The following RALGDS variants were observed in gnomAD, a reference collection of about 807,000 sequenced individuals.
The protein encoded by RALGDS is ral guanine nucleotide exchange factor.
In RALGDS, 44 loss-of-function variants were observed where a neutral mutation model predicts 99.8. The ratio of observed to expected loss-of-function variants is 0.44; its 90% CI spans 0.35 to 0.57. RALGDS has a LOEUF of 0.57. Among genes scored for constraint, RALGDS ranks in the 20% least tolerant of loss-of-function variants. RALGDS has a pLI of 0.01. For missense variants in RALGDS, 1,022 were observed against 1,203.1 expected, an observed-to-expected ratio of 0.85 and a Z score of 2.23; for synonymous variants, 529 against 505.0, an observed-to-expected ratio of 1.05 and a Z score of -0.64.
At chr9:133,147,315 C>CA (rs755451407) in intron 1 of RALGDS, among the ~76,000 whole-genome samples, 1 of 152,230 alleles carries the variant, frequency 6.6e-6, no homozygotes, top group Non-Finnish European at 1.5e-5. Context: ...CCCAGCCCTC[C>CA]ATGGCAGCCC....
chr9:133,100,528 C>A, intron 16 of RALGDS, 146 bp from the exon 17 acceptor site: 1 of 1,533,074 alleles, frequency 6.5e-7, no homozygotes, highest in Non-Finnish European at 8.7e-7. Context: ...CCGGAGAGGG[C>A]CTTGTCACAT....
Position 133,101,183 on chromosome 9 carries a change from C to T in RALGDS, c.2454+337G>A, listed in dbSNP as rs753602102. The T allele has an allele frequency of 3.3e-6, 4 of 1,211,894 alleles. No homozygotes were observed. In the South Asian group the frequency reaches 5.0e-5, roughly 15 times the overall value. The allele number at this position is 1,211,894 out of a possible 1,614,324, so 75.1% of individuals were successfully genotyped here. On this transcript the variant is annotated intron_variant, in intron 16 of 17. Coordinates refer to ENST00000372050, the MANE Select transcript of RALGDS (RefSeq NM_006266.4). ...AGCCCACACCAGACAGAGAAGCCAGCCATCATTGCTCCTGTCTTCCTCCCC... is the reference window on the plus strand; with the variant it reads ...AGCCCACACCAGACAGAGAAGCCAGTCATCATTGCTCCTGTCTTCCTCCCC...
chr9:133,131,516 C>T (rs75084075), upstream of RALGDS, among the ~76,000 whole-genome samples: 1,167 of 152,156 alleles, frequency 7.7e-3, 12 homozygotes, highest in African/African-American at 0.026. Context: ...TGTTCTTCCC[C>T]CTTGGTCTCA....
chr9:133,101,591 G>A lies in RALGDS; in HGVS notation c.2383C>T (p.Gln795Ter). The change falls in exon 16 of 18, where the codon CAG (glutamine) becomes TAG (stop). Residue 795 changes from glutamine to a stop codon, truncating the protein, a stop_gained. Coordinates refer to ENST00000372050, the MANE Select transcript of RALGDS (RefSeq NM_006266.4). LOFTEE classifies it high-confidence loss of function. ...SSSALPLYNQ[Q>*]VGDCCIIRVS... is the part of the protein sequence containing the mutation. ...CGGATGATACAGCAGTCGCCCACCT[G>A]CTGGTTGTAGAGCGGCAGCGCGGAG... The A allele has an allele frequency of 6.2e-7, 1 of 1,612,770 alleles. No homozygotes were observed. The highest frequency in any genetic ancestry group is 8.5e-7 in the Non-Finnish European group (1 of 1,180,026).
chr9:133,104,663 A>C, intron 9 of RALGDS: 1 of 308,480 alleles, frequency 3.2e-6, no homozygotes. Context: ...AAATACAAAA[A>C]TTACCTGGGT....
At chr9:133,105,906 C>A in intron 9 of RALGDS, 26 bp downstream of exon 9, 1 of 822,602 alleles carries the variant, frequency 1.2e-6, no homozygotes, top group Non-Finnish European at 1.8e-6. Flanking sequence ...CGCCCCAGCC[C>A]CCGCCCCAGC....
chr9:133,116,592 T>C (rs569080121), intron 1 of RALGDS, among the ~76,000 whole-genome samples: 1 of 152,284 alleles, frequency 6.6e-6, no homozygotes, highest in African/African-American at 2.4e-5. Flanking sequence ...GGGAGGGGCG[T>C]GGCTGGTGGC....
At chr9:133,136,971 A>G (rs1046023522) in intron 1 of RALGDS, among the ~76,000 whole-genome samples, 2 of 151,270 alleles carry the variant, frequency 1.3e-5, no homozygotes, top group African/African-American at 4.9e-5. Flanking sequence ...GTGGTGGCTT[A>G]CGCCTGTAAT....
Position 133,109,087 on chromosome 9 carries a change from C to T in RALGDS, c.585-221G>A, listed in dbSNP as rs560048669. On this transcript the variant is annotated intron_variant, in intron 4 of 17. Transcript: ENST00000372050. ...AGCTCTGCATGTCTCCCAGCACCCC[C>T]TCCTCGCTGGAATGTAAACTCCATG... is the stretch of plus-strand genomic sequence containing the variant. Among the ~76,000 whole-genome samples the T allele has an allele frequency of 6.6e-5, 10 of 152,346 alleles. No individual in the cohort carries two copies. The South Asian group carries it at 2.1e-3, about 32-fold the overall frequency.
rs2119125126 is a variant in RALGDS at position 133,102,502 on chromosome 9, G to A, written c.1983C>T (p.Asn661=). 1 of 1,614,146 alleles carries A rather than the reference G, an allele frequency of 6.2e-7. No homozygotes were observed. Among genetic ancestry groups the A allele is most frequent in the Non-Finnish European group, 8.5e-7 (1 of 1,180,012 alleles). ...CGCTCCAGCGCTTGACAATGGCTGT[G>A]TTCTTCTTGGTCCTGAGGGTGTTGC... ...SASNTLRTKK[N]TAIVKRWSDR... The change falls in exon 14 of 18, where the codon AAC becomes AAT. Residue 661 remains asparagine (N), a synonymous_variant. Transcript: ENST00000372050.
At chr9:133,100,133 G>A in intron 17 of RALGDS, 135 bp downstream of exon 17, 2 of 842,070 alleles carry the variant, frequency 2.4e-6, no homozygotes, top group Non-Finnish European at 4.1e-6. Context: ...AATGGGGGCA[G>A]CCAGGGCTGC....
At chr9:133,136,112 C>A (rs572318227), upstream of RALGDS, among the ~76,000 whole-genome samples, 10 of 152,232 alleles carry the variant, frequency 6.6e-5, no homozygotes, top group South Asian at 2.1e-3. Flanking sequence ...AGGTGCCGGG[C>A]ACTATTCAAG....
At chr9:133,102,322 CA>C (rs1200935269) in intron 14 of RALGDS, among the ~76,000 whole-genome samples, 153 bp downstream of exon 14, 2 of 152,134 alleles carry the variant, frequency 1.3e-5, no homozygotes, top group African/African-American at 4.8e-5. Context: ...AACTGAGGCC[CA>C]AAAAGGTGAG....
upstream of RALGDS, among the ~76,000 whole-genome samples, chr9:133,122,737 C>T (rs1445512733): frequency 6.6e-6 from 1 of 152,220 alleles, no homozygotes; most frequent in East Asian, 1.9e-4. Flanking sequence ...GAGACAGTCT[C>T]ACTGTCACCC....
At chr9:133,103,896 C>A (rs1293595524) in intron 10 of RALGDS, 63 bp from the exon 11 acceptor site, 3 of 1,505,280 alleles carry the variant, frequency 2.0e-6, no homozygotes, top group Non-Finnish European at 2.8e-6. Flanking sequence ...CAGCCCCCAG[C>A]CCCAACTGGT....
At chr9:133,135,762 C>G (rs1832415497), upstream of RALGDS, among the ~76,000 whole-genome samples, 1 of 152,214 alleles carries the variant, frequency 6.6e-6, no homozygotes, top group African/African-American at 2.4e-5. Flanking sequence ...CTCAAAAAGA[C>G]TGCATGCTGA....
chr9:133,109,736 T>C lies in RALGDS; in HGVS notation c.489-15A>G. The C allele has an allele frequency of 8.2e-6, 13 of 1,592,044 alleles. No homozygotes were observed. Among genetic ancestry groups the C allele is most frequent in the Non-Finnish European group, 1.1e-5 (13 of 1,160,334 alleles). On this transcript the variant is annotated splice_polypyrimidine_tract_variant and intron_variant, in intron 3 of 17. Coordinates refer to ENST00000372050, the MANE Select transcript of RALGDS (RefSeq NM_006266.4). ...ATCTACCGTACCTGCTTATGACGTC[T>C]AGTGTTACTGTCTGACTCTCCGACT...
chr9:133,107,022 G>GCAGA, intron 7 of RALGDS, 63 bp downstream of exon 7: 1 of 1,571,132 alleles, frequency 6.4e-7, no homozygotes, highest in Non-Finnish European at 8.7e-7. Context: ...GCCTTGGACT[G>GCAGA]CAGACCACAA....
chr9:133,115,514 CAG>C (rs1831557372), intron 1 of RALGDS, among the ~76,000 whole-genome samples: 1 of 152,182 alleles, frequency 6.6e-6, no homozygotes, highest in Non-Finnish European at 1.5e-5. Context: ...ACCCCCCTGC[CAG>C]CACCTCACAG....
Sources: allele counts gnomAD v4.1 joint callset (sites outside exome capture counted in the v4.1 genomes callset), GRCh38; gene constraint gnomAD v4.1.1; transcripts MANE v1.5; gene names NCBI Gene and HGNC (gene_info 2026-07-23, HGNC 2026-07-21).